The following GNA14 variants were observed in gnomAD, a reference collection of about 807,000 sequenced individuals.
The protein encoded by GNA14 is guanine nucleotide-binding protein subunit alpha-14.
In GNA14, 50 loss-of-function variants were observed where a neutral mutation model predicts 42.0. The observed-to-expected ratio is 1.19, with a 90% CI of 0.95 to 1.51. The LOEUF (loss-of-function observed/expected upper bound fraction) is 1.51. GNA14 is among the 40% of genes most tolerant of loss of function. GNA14 has a pLI of 0.00. For synonymous variants in GNA14, 173 were observed against 163.1 expected, an observed-to-expected ratio of 1.06 and a Z score of -0.46; for missense variants, 473 against 446.2, an observed-to-expected ratio of 1.06 and a Z score of -0.54.
chr9:77,527,696 C>T (rs9650775), intron 2 of GNA14, among the ~76,000 whole-genome samples: 16,829 of 152,138 alleles, frequency 0.11, 1,103 homozygotes, highest in Non-Finnish European at 0.14. Flanking sequence ...TGCAATGGTA[C>T]AATCTTGGCT....
chr9:77,446,755 C>A (rs534750526), intron 2 of GNA14, among the ~76,000 whole-genome samples: 3 of 152,306 alleles, frequency 2.0e-5, no homozygotes, highest in Non-Finnish European at 1.5e-5. Context: ...ACAAAATCAA[C>A]TTCATTTTGC....
At position 77,559,138 on chromosome 9, in the gene GNA14, C is replaced by G. The variant is rs575452916; in HGVS notation, c.125-29885G>C. On this transcript the variant is annotated intron_variant, in intron 1 of 6. Transcript: ENST00000341700. Reference sequence around the variant, plus strand: ...ACCTATCTTTTCTCTGGATTCTTACCTGTGACACCACAAATTTCTTATTAC... The same window carrying G: ...ACCTATCTTTTCTCTGGATTCTTACGTGTGACACCACAAATTTCTTATTAC... Among the ~76,000 whole-genome samples, 5 of 152,232 alleles carry G rather than the reference C, an allele frequency of 3.3e-5. No individual in the cohort carries two copies. In the South Asian group the frequency reaches 1.0e-3, roughly 32 times the overall value.
At chr9:77,636,303 T>C (rs1564072261) in intron 1 of GNA14, among the ~76,000 whole-genome samples, 1 of 152,192 alleles carries the variant, frequency 6.6e-6, no homozygotes, top group Non-Finnish European at 1.5e-5. Flanking sequence ...ATACAGAAGA[T>C]GGCTTTCAGG....
At chr9:77,579,007 G>A (rs1402417240) in intron 1 of GNA14, among the ~76,000 whole-genome samples, 1 of 152,172 alleles carries the variant, frequency 6.6e-6, no homozygotes, top group African/African-American at 2.4e-5. Context: ...GGCAACTGCT[G>A]GGCCACTGCC....
At chr9:77,495,896 A>G (rs1836861165) in intron 2 of GNA14, among the ~76,000 whole-genome samples, 1 of 152,226 alleles carries the variant, frequency 6.6e-6, no homozygotes, top group Non-Finnish European at 1.5e-5. Context: ...TTAAACAAGT[A>G]AAATCATGTT....
rs1041414947 is a variant in GNA14 at position 77,431,087 on chromosome 9, A to G, written c.593+234T>C. Among the ~76,000 whole-genome samples, 10 of 150,316 alleles carry G rather than the reference A, an allele frequency of 6.7e-5. No individual in the cohort carries two copies. In the Admixed American group the frequency reaches 6.7e-4, roughly 10 times the overall value. Reference sequence around the variant, plus strand: ...GTATGAGTGTGTGTTACACATAAGAATCATTCCAGTTTCCAGTAAGGAAAC... The same window carrying G: ...GTATGAGTGTGTGTTACACATAAGAGTCATTCCAGTTTCCAGTAAGGAAAC... On this transcript the variant is annotated intron_variant, in intron 4 of 6. Transcript: ENST00000341700.
intron 1 of GNA14, among the ~76,000 whole-genome samples, chr9:77,642,129 A>G (rs1213284002): frequency 6.6e-6 from 1 of 152,244 alleles, no homozygotes; most frequent in Non-Finnish European, 1.5e-5. Flanking sequence ...CATTTGTCAA[A>G]ACTCAAAGTG....
At chr9:77,633,608 TA>T (rs1198095797) in intron 1 of GNA14, among the ~76,000 whole-genome samples, 1 of 152,156 alleles carries the variant, frequency 6.6e-6, no homozygotes, top group African/African-American at 2.4e-5. Context: ...GAATGATAGA[TA>T]AATTTAGCAA....
chr9:77,593,652 A>G (rs1823422555), intron 1 of GNA14, among the ~76,000 whole-genome samples: 1 of 152,144 alleles, frequency 6.6e-6, no homozygotes, highest in African/African-American at 2.4e-5. Context: ...GGGGCAGGGC[A>G]GCCAGCTGCT....
At chr9:77,640,908 T>C (rs576836923) in intron 1 of GNA14, among the ~76,000 whole-genome samples, 68 of 144,598 alleles carry the variant, frequency 4.7e-4, no homozygotes, top group African/African-American at 1.5e-3. Context: ...GACAGAGGCA[T>C]GTCACAGTGA....
At chr9:77,616,049 T>C (rs574749008) in intron 1 of GNA14, among the ~76,000 whole-genome samples, 3 of 152,232 alleles carry the variant, frequency 2.0e-5, no homozygotes, top group African/African-American at 7.2e-5. Context: ...TGCAATAGGA[T>C]AGGATGAGGA....
At chr9:77,436,123 G>T (rs187790278) in intron 2 of GNA14, among the ~76,000 whole-genome samples, 7 of 152,312 alleles carry the variant, frequency 4.6e-5, no homozygotes, top group Non-Finnish European at 8.8e-5. Context: ...CAAGGACTGT[G>T]AATGAATCGA....
At chr9:77,466,146 G>A (rs1234832300) in intron 2 of GNA14, among the ~76,000 whole-genome samples, 3 of 152,096 alleles carry the variant, frequency 2.0e-5, no homozygotes, top group African/African-American at 4.8e-5. Context: ...TGGATGCTTC[G>A]ATTAGTGTTT....
chr9:77,491,158 C>A (rs1836767908), intron 2 of GNA14, among the ~76,000 whole-genome samples: 1 of 152,204 alleles, frequency 6.6e-6, no homozygotes, highest in Non-Finnish European at 1.5e-5. Flanking sequence ...AAGATAAAGT[C>A]TTTCAAACAA....
At chr9:77,557,490 A>C (rs574797777) in intron 1 of GNA14, among the ~76,000 whole-genome samples, 2 of 152,364 alleles carry the variant, frequency 1.3e-5, no homozygotes, top group South Asian at 4.1e-4. Context: ...TTACTCGAAC[A>C]ATATTTCATT....
At chr9:77,641,591 G>A (rs745883607) in intron 1 of GNA14, among the ~76,000 whole-genome samples, 1 of 151,918 alleles carries the variant, frequency 6.6e-6, no homozygotes. Context: ...AAAGGGAGAG[G>A]GGACTGTATT....
intron 2 of GNA14, among the ~76,000 whole-genome samples, chr9:77,445,552 GAAAAAAAAA>G (rs762651584): frequency 2.5e-4 from 14 of 55,972 alleles, no homozygotes; most frequent in East Asian, 2.3e-3. Context: ...TCTCTAAGAA[GAAAAAAAAA>G]AAAAAAAAAA....
intron 1 of GNA14, among the ~76,000 whole-genome samples, chr9:77,620,837 G>C (rs1343150196): frequency 1.0e-5 from 1 of 95,878 alleles, no homozygotes; most frequent in Non-Finnish European, 1.9e-5. Flanking sequence ...AACAGAGGGA[G>C]AATCTTGTCT....
intron 1 of GNA14, among the ~76,000 whole-genome samples, chr9:77,534,945 T>A (rs1295653791): frequency 6.6e-6 from 1 of 152,164 alleles, no homozygotes; most frequent in Non-Finnish European, 1.5e-5. Context: ...CAAAGCAACC[T>A]CACCAGTGAG....
Sources: allele counts gnomAD v4.1 joint callset (sites outside exome capture counted in the v4.1 genomes callset), GRCh38; gene constraint gnomAD v4.1.1; transcripts MANE v1.5; gene names NCBI Gene and HGNC (gene_info 2026-07-23, HGNC 2026-07-21).